ANO3: variants seen among roughly 807,000 people sequenced by gnomAD.
ANO3 encodes the protein anoctamin-3.
Under a neutral mutation model 144.8 loss-of-function variants are expected in ANO3, and 99 were observed. That is an observed-to-expected ratio of 0.68 (90% CI 0.58 to 0.81). The LOEUF is 0.81. ANO3 is among the 30% of genes least tolerant of loss of function. ANO3 has a pLI of 0.00. For missense variants in ANO3, 905 were observed against 1,202.2 expected (o/e 0.75, Z 3.66); for synonymous variants, 414 against 392.6 (o/e 1.05, Z -0.64).
rs186163942 is a variant in ANO3 at position 26,386,010 on chromosome 11, A to G, written c.46+53689A>G. 2.9e-4 allele frequency among the ~76,000 whole-genome samples: 44 copies of G among 152,260 alleles called. 1 individual carries two copies. The East Asian group carries it at 8.1e-3, about 28-fold the overall frequency. ...ACAAGATCACCCAGTAGCGACAAGC[A>G]CACCAAGAGCAGAGATACTAGTTTT... On this transcript the variant is annotated intron_variant, in intron 1 of 26. Transcript: ENST00000256737.
chr11:26,457,250 C>T (rs1391517834), intron 3 of ANO3, among the ~76,000 whole-genome samples: 11 of 17,318 alleles, frequency 6.4e-4, no homozygotes, highest in Non-Finnish European at 1.9e-3. Flanking sequence ...AAAAAAAAAC[C>T]TGCACGTTTT....
chr11:26,322,801 G>A (rs1294182903), intron 1 of ANO3, among the ~76,000 whole-genome samples: 1 of 152,028 alleles, frequency 6.6e-6, no homozygotes, highest in Non-Finnish European at 1.5e-5. Context: ...ACTCATAAGA[G>A]GGAAGTCACT....
chr11:26,379,852 T>C (rs894941732), intron 1 of ANO3, among the ~76,000 whole-genome samples: 1 of 152,096 alleles, frequency 6.6e-6, no homozygotes, highest in Non-Finnish European at 1.5e-5. Flanking sequence ...TTGAAAGAAC[T>C]AGGTGGTGAA....
chr11:26,207,071 A>C (rs1564916542), intron 1 of ANO3, among the ~76,000 whole-genome samples: 1 of 152,194 alleles, frequency 6.6e-6, no homozygotes, highest in Non-Finnish European at 1.5e-5. Context: ...GGGATTAGTC[A>C]AAGGATACGA....
intron 18 of ANO3, among the ~76,000 whole-genome samples, chr11:26,632,585 T>C (rs1852821898): frequency 6.8e-6 from 1 of 146,912 alleles, no homozygotes; most frequent in Non-Finnish European, 1.5e-5. Context: ...ATACGTTTTA[T>C]ATATATATAA....
chr11:26,246,223 G>A (rs1406891631), intron 1 of ANO3, among the ~76,000 whole-genome samples: 1 of 152,004 alleles, frequency 6.6e-6, no homozygotes, highest in Admixed American at 6.6e-5. Context: ...TGAATTTTTA[G>A]GGTTAATTTT....
rs377447870 is a variant in ANO3, at chr11:26,297,184, C to CGTGTGTGT, written c.155-12441_155-12434dup. On this transcript the variant is annotated intron_variant, in intron 1 of 27. Transcript: ENST00000672621. The stretch of plus-strand genomic sequence containing the variant: ...ACATCCCAAGCTGCATCAACCATTG[C>CGTGTGTGT]GTGTGTGTGTGTGTGTGTGTGTGTG... Among the ~76,000 whole-genome samples, 744 of 146,420 alleles carry CGTGTGTGT rather than the reference C, an allele frequency of 5.1e-3. 23 individuals are homozygous for CGTGTGTGT. The East Asian group carries it at 0.09, about 18-fold the overall frequency.
chr11:26,352,954 G>A (rs936621772), intron 1 of ANO3, among the ~76,000 whole-genome samples: 1 of 152,102 alleles, frequency 6.6e-6, no homozygotes, highest in Non-Finnish European at 1.5e-5. Context: ...ACCCCCTCTT[G>A]ACACCATCAC....
intron 1 of ANO3, among the ~76,000 whole-genome samples, chr11:26,334,987 A>G (rs990002200): frequency 6.6e-6 from 1 of 152,216 alleles, no homozygotes; most frequent in Non-Finnish European, 1.5e-5. Flanking sequence ...TATGAGAACT[A>G]TGTATTAACC....
At chr11:26,204,144 T>A (rs1851751970) in intron 1 of ANO3, among the ~76,000 whole-genome samples, 1 of 152,096 alleles carries the variant, frequency 6.6e-6, no homozygotes, top group African/African-American at 2.4e-5. Flanking sequence ...ACACCCCCTC[T>A]GGGGAGCTTG....
intron 1 of ANO3, among the ~76,000 whole-genome samples, chr11:26,256,911 C>A (rs565264280): frequency 7.1e-4 from 108 of 152,102 alleles, no homozygotes; most frequent in Non-Finnish European, 1.8e-4. Context: ...ACAGGAAAGG[C>A]AGATGCTGCC....
chr11:26,224,064 G>A (rs1564923596), intron 1 of ANO3, among the ~76,000 whole-genome samples: 1 of 152,178 alleles, frequency 6.6e-6, no homozygotes, highest in Non-Finnish European at 1.5e-5. Context: ...CTCTATTCCT[G>A]TTCTTCTGCC....
Position 26,643,306 on chromosome 11 carries a change from G to A in ANO3, c.2400G>A (p.Arg800=). The change falls in exon 23 of 27, where the codon AGG becomes AGA. Residue 800 remains arginine, a synonymous_variant. Coordinates refer to ENST00000256737, the MANE Select transcript of ANO3 (RefSeq NM_031418.4). ...ACAAATTTGTCACTCAATGGCGGAG[G>A]CCTTTGCCAGCCCGAGCAACTGACA... ...DAYKFVTQWR[R]PLPARATDIG... is the part of the protein sequence containing the mutation. The A allele has an allele frequency of 3.1e-6, 5 of 1,614,088 alleles. No homozygotes were observed. The highest frequency in any genetic ancestry group is 3.4e-6 in the Non-Finnish European group (4 of 1,180,002).
chr11:26,540,481 T>C (rs1210907479), intron 10 of ANO3, among the ~76,000 whole-genome samples: 1 of 152,104 alleles, frequency 6.6e-6, no homozygotes, highest in Non-Finnish European at 1.5e-5. Flanking sequence ...AAAGAGCTTC[T>C]TCACAGCAAA....
intron 3 of ANO3, among the ~76,000 whole-genome samples, chr11:26,452,927 A>G (rs1313675505): frequency 3.9e-5 from 6 of 152,228 alleles, no homozygotes; most frequent in Non-Finnish European, 8.8e-5. Context: ...CCAATATTCA[A>G]CATTCTTAAA....
At chr11:26,364,375 A>G (rs1856006461) in intron 1 of ANO3, among the ~76,000 whole-genome samples, 1 of 152,164 alleles carries the variant, frequency 6.6e-6, no homozygotes, top group Non-Finnish European at 1.5e-5. Flanking sequence ...CTAAAATATC[A>G]TTTCCATTAA....
At chr11:26,608,805 C>T (rs1007095325) in intron 17 of ANO3, among the ~76,000 whole-genome samples, 8 of 152,098 alleles carry the variant, frequency 5.3e-5, no homozygotes, top group Non-Finnish European at 1.0e-4. Flanking sequence ...GGCTCCAGCA[C>T]GGGAAAAGCA....
At chr11:26,492,787 T>G (rs1860762985) in intron 4 of ANO3, among the ~76,000 whole-genome samples, 1 of 152,218 alleles carries the variant, frequency 6.6e-6, no homozygotes, top group Admixed American at 6.5e-5. Context: ...TAATTTTATA[T>G]TGTGGAAATA....
chr11:26,285,620 C>T (rs190336828), intron 1 of ANO3: 1 of 152,210 alleles, frequency 6.6e-6, no homozygotes, highest in Admixed American at 6.5e-5. Flanking sequence ...ACAAAATAAG[C>T]ATAATCATAA....
Sources: allele counts gnomAD v4.1 joint callset (sites outside exome capture counted in the v4.1 genomes callset), GRCh38; gene constraint gnomAD v4.1.1; transcripts MANE v1.5; gene names NCBI Gene and HGNC (gene_info 2026-07-23, HGNC 2026-07-21).